The following ASAP1 variants were observed in gnomAD, a reference collection of about 807,000 sequenced individuals.
ASAP1 encodes arf-GAP with SH3 domain, ANK repeat and PH domain-containing protein 1.
ASAP1 carries 43 observed loss-of-function variants against 145.2 expected under a neutral mutation model. The observed-to-expected ratio is 0.30, with a 90% CI of 0.23 to 0.38. ASAP1 has a LOEUF of 0.38. ASAP1 is among the 10% of genes least tolerant of loss of function. The pLI is 1.00. For missense variants in ASAP1, 1,018 were observed against 1,355.3 expected (o/e 0.75, Z 3.91); for synonymous variants, 546 against 515.5 (o/e 1.06, Z -0.80).
intron 1 of ASAP1, among the ~76,000 whole-genome samples, chr8:130,415,554 G>A (rs904574908): frequency 6.6e-6 from 1 of 152,126 alleles, no homozygotes; most frequent in African/African-American, 2.4e-5. Context: ...TTGGGAGGCT[G>A]AGGCTGGTGG....
At chr8:130,427,521 A>G (rs11775398) in intron 1 of ASAP1, among the ~76,000 whole-genome samples, 20,309 of 152,166 alleles carry the variant, frequency 0.13, 2,149 homozygotes, top group African/African-American at 0.29. Context: ...TGGCCTATAA[A>G]ATCCCAATTT....
chr8:130,136,044 T>TG lies in ASAP1; in HGVS notation c.1168+906dup, dbSNP rs148002397. The stretch of plus-strand genomic sequence containing the variant: ...AGATCATCCACTTTGGCTGTGGGTC[T>TG]GCCTTGCTGGGCTGTGATAGAGAAG... On this transcript the variant is annotated intron_variant, in intron 14 of 29. Transcript: ENST00000518721. Among the ~76,000 whole-genome samples, 554 of 152,356 alleles carry TG rather than the reference T, an allele frequency of 3.6e-3. 13 individuals carry two copies. In the East Asian group the frequency reaches 0.053, roughly 15 times the overall value.
At chr8:130,149,786 C>T (rs2097641818) in intron 13 of ASAP1, among the ~76,000 whole-genome samples, 2 of 152,086 alleles carry the variant, frequency 1.3e-5, no homozygotes, top group African/African-American at 2.4e-5. Flanking sequence ...AGGAAAAGCC[C>T]GCTAAAACTG....
At chr8:130,340,328 T>C (rs1382571552) in intron 3 of ASAP1, among the ~76,000 whole-genome samples, 2 of 152,148 alleles carry the variant, frequency 1.3e-5, no homozygotes, top group Non-Finnish European at 2.9e-5. Context: ...TGCAGAAATT[T>C]AGCCTACAAA....
At chr8:130,393,809 A>C (rs1455325779) in intron 2 of ASAP1, among the ~76,000 whole-genome samples, 1 of 152,178 alleles carries the variant, frequency 6.6e-6, no homozygotes, top group Non-Finnish European at 1.5e-5. Context: ...TGGCAGAAGA[A>C]CATAAATTGT....
chr8:130,279,645 T>A (rs776862307), intron 3 of ASAP1, among the ~76,000 whole-genome samples: 2 of 152,128 alleles, frequency 1.3e-5, no homozygotes, highest in African/African-American at 4.8e-5. Flanking sequence ...ATAAAACAAA[T>A]AGACTTGACT....
intron 27 of ASAP1, among the ~76,000 whole-genome samples, chr8:130,071,068 A>G (rs904140175): frequency 7.0e-6 from 1 of 143,424 alleles, no homozygotes; most frequent in Non-Finnish European, 1.5e-5. Context: ...TCCCCAAATC[A>G]TCTAAGAAAA....
chr8:130,400,417 C>G (rs1362062262), intron 2 of ASAP1, among the ~76,000 whole-genome samples: 2 of 151,978 alleles, frequency 1.3e-5, no homozygotes, highest in Non-Finnish European at 1.5e-5. Flanking sequence ...GTCCCTACAC[C>G]AGGCCTCAGT....
intron 3 of ASAP1, among the ~76,000 whole-genome samples, chr8:130,253,583 C>T (rs1819334785): frequency 2.0e-5 from 3 of 152,106 alleles, no homozygotes; most frequent in African/African-American, 7.2e-5. Flanking sequence ...GCACACAAGT[C>T]GGTCTACTGT....
At chr8:130,122,036 C>T (rs1039879233) in intron 18 of ASAP1, among the ~76,000 whole-genome samples, 3 of 152,098 alleles carry the variant, frequency 2.0e-5, no homozygotes, top group Admixed American at 2.0e-4. Flanking sequence ...CTTGGGGCAC[C>T]CATATGACCT....
At chr8:130,143,619 T>C (rs1470849271) in intron 13 of ASAP1, among the ~76,000 whole-genome samples, 1 of 152,262 alleles carries the variant, frequency 6.6e-6, no homozygotes, top group East Asian at 1.9e-4. Context: ...AGAGAAGTGA[T>C]GAAGATATCC....
intron 1 of ASAP1, among the ~76,000 whole-genome samples, chr8:130,424,918 G>A (rs576418545): frequency 1.3e-4 from 19 of 150,780 alleles, no homozygotes; most frequent in East Asian, 9.8e-4. Context: ...GCTTGAACCC[G>A]GGAGGCAGAG....
rs1217133986 is a variant in ASAP1, at chr8:130,126,016, C to T, written c.1455G>A (p.Gly485=). 1.2e-6 allele frequency: 2 copies of T among 1,613,732 alleles called. No homozygotes were observed. The highest frequency in any genetic ancestry group is 1.7e-6 in the Non-Finnish European group (2 of 1,179,906). Residue 485 remains glycine, a synonymous_variant, in exon 17 of 30, where the codon GGG becomes GGA. Transcript: ENST00000518721. The part of the protein sequence containing the change: ...IECSGIHREM[G]VHISRIQSLE... ...AAGACTGAATGCGAGAAATATGAAC[C>T]CCCATTTCCCTATGGATGCCAGAAC... is the stretch of plus-strand genomic sequence containing the variant.
chr8:130,334,218 G>A (rs1824888190), intron 3 of ASAP1, among the ~76,000 whole-genome samples: 1 of 152,168 alleles, frequency 6.6e-6, no homozygotes, highest in South Asian at 2.1e-4. Flanking sequence ...AAAAGTTGCT[G>A]AGGCACACAT....
intron 23 of ASAP1, among the ~76,000 whole-genome samples, chr8:130,112,792 C>T (rs1228585801): frequency 1.3e-5 from 2 of 152,266 alleles, no homozygotes; most frequent in Admixed American, 6.5e-5. Context: ...ACCCACTGCC[C>T]GCTACACAAT....
intron 24 of ASAP1, among the ~76,000 whole-genome samples, chr8:130,105,814 C>A (rs1331943488): frequency 6.6e-6 from 1 of 152,176 alleles, no homozygotes; most frequent in African/African-American, 2.4e-5. Context: ...GGTGCCCGGG[C>A]ATGATATGTG....
chr8:130,089,612 A>G (rs192220818), intron 25 of ASAP1, among the ~76,000 whole-genome samples: 20 of 152,306 alleles, frequency 1.3e-4, no homozygotes, highest in African/African-American at 4.6e-4. Context: ...TTTGGCTTCT[A>G]CAATACAATG....
At chr8:130,205,814 T>C (rs1378388503) in intron 5 of ASAP1, among the ~76,000 whole-genome samples, 1 of 149,056 alleles carries the variant, frequency 6.7e-6, no homozygotes, top group East Asian at 2.0e-4. Context: ...ATATAAGGCA[T>C]GTACACCCTG....
intron 25 of ASAP1, among the ~76,000 whole-genome samples, chr8:130,080,742 C>T (rs2097477799): frequency 6.6e-6 from 1 of 152,050 alleles, no homozygotes; most frequent in Non-Finnish European, 1.5e-5. Context: ...AAGTGATTCT[C>T]CTGCCTCAGC....
Sources: allele counts gnomAD v4.1 joint callset (sites outside exome capture counted in the v4.1 genomes callset), GRCh38; gene constraint gnomAD v4.1.1; transcripts MANE v1.5; gene names NCBI Gene and HGNC (gene_info 2026-07-23, HGNC 2026-07-21).